Variants in PREPL observed in about 807,000 individuals in gnomAD.
The protein encoded by PREPL is prolyl endopeptidase like.
Under a neutral mutation model 70.6 loss-of-function variants are expected in PREPL, and 77 were observed. That is an observed-to-expected ratio of 1.09 (90% CI 0.91 to 1.32). The LOEUF (loss-of-function observed/expected upper bound fraction) is 1.32. Ranked by LOEUF, PREPL falls within the 40% of genes most tolerant of loss-of-function variation. The probability of loss-of-function intolerance (pLI) is 0.00; values close to 1 mark genes in which losing one functional copy is unlikely to be tolerated. For synonymous variants in PREPL, 315 were observed against 264.8 expected (o/e 1.19, Z -1.84); for missense variants, 1,002 against 778.2 (o/e 1.29, Z -3.42).
At chr2:44,321,638 G>GT in intron 13 of PREPL, 189 bp downstream of exon 13, 1 of 1,496,524 alleles carries the variant, frequency 6.7e-7, no homozygotes, top group Admixed American at 2.4e-5. Flanking sequence ...CAGAGCTCAC[G>GT]TATCAAGTAC....
chr2:44,327,945 T>A (rs1006514064), intron 9 of PREPL, among the ~76,000 whole-genome samples: 1 of 150,558 alleles, frequency 6.6e-6, no homozygotes, highest in Non-Finnish European at 1.5e-5. Flanking sequence ...AGCTCAGGAG[T>A]TCGAGACCAG....
intron 1 of PREPL, among the ~76,000 whole-genome samples, chr2:44,352,895 T>C (rs1343611352): frequency 6.6e-6 from 1 of 151,978 alleles, no homozygotes; most frequent in Admixed American, 6.5e-5. Context: ...TAAAAGAAGG[T>C]CAAAAGACAA....
At chr2:44,342,687 A>C (rs1675360774) in intron 4 of PREPL, 135 bp from the exon 5 acceptor site, 1 of 707,426 alleles carries the variant, frequency 1.4e-6, no homozygotes, top group Admixed American at 2.9e-5. Flanking sequence ...TAAATATTTG[A>C]CTGTATCTAA....
chr2:44,338,868 A>G (rs964754160), intron 6 of PREPL, among the ~76,000 whole-genome samples: 27 of 152,340 alleles, frequency 1.8e-4, no homozygotes, highest in African/African-American at 6.5e-4. Context: ...CAAATTGCCA[A>G]CTCATAAAAT....
Position 44,321,060 on chromosome 2 carries a change from TGGAA to T in PREPL, c.*292_*295del. 2.4e-6 allele frequency: 1 copy of T among 415,044 alleles called. No individual in the cohort carries two copies. Among genetic ancestry groups the T allele is most frequent in the Middle Eastern group, 6.8e-4 (1 of 1,472 alleles). The allele number at this position is 415,044 out of a possible 1,614,324, so 25.7% of individuals were successfully genotyped here. ...TTGTAAACTGCTCAACTGTTCTGACTGGAAGGGAGGCCTGGAGCTCTGCTATCAC... is the reference window on the plus strand; with the variant it reads ...TTGTAAACTGCTCAACTGTTCTGACTGGGAGGCCTGGAGCTCTGCTATCAC... On this transcript the variant is annotated 3_prime_UTR_variant, in exon 14 of 14. Coordinates refer to ENST00000409411, the MANE Select transcript of PREPL (RefSeq NM_001171613.2).
rs894017075 is a variant in PREPL at position 44,361,449 on chromosome 2, C to T, written c.-118G>A. The T allele has an allele frequency of 1.3e-5, 2 of 152,716 alleles. No homozygotes were observed. Among genetic ancestry groups the T allele is most frequent in the African/African-American group, 2.4e-5 (1 of 41,462 alleles). 9.5% of individuals were successfully genotyped at this position (152,716 alleles called of 1,614,324 possible). A position where few individuals can be genotyped will look rare whatever the true frequency, so the allele number is the denominator to read the frequency against. The stretch of plus-strand genomic sequence containing the variant: ...GGCAGGCCGGAGAACCTGAAGCTCT[C>T]AGAGGGGAGCAGGTGTCACCGCAGG... On this transcript the variant is annotated 5_prime_UTR_variant, in exon 1 of 14. Transcript: ENST00000409411.
Position 44,341,414 on chromosome 2 carries a change from G to A in PREPL, c.485+1003C>T, listed in dbSNP as rs903791755. On this transcript the variant is annotated intron_variant, in intron 5 of 13. Coordinates refer to ENST00000409411, the MANE Select transcript of PREPL (RefSeq NM_001171613.2). ...TATTTTTACTGTTATTGCTTTATAT[G>A]CTTTAATATATAATTGTAGGGCAAG... Among the ~76,000 whole-genome samples, 14 of 152,002 alleles carry A rather than the reference G, an allele frequency of 9.2e-5. No individual in the cohort carries two copies. In the East Asian group the frequency reaches 2.7e-3, roughly 29 times the overall value.
At chr2:44,322,089 C>T (rs376086254) in intron 12 of PREPL, among the ~76,000 whole-genome samples, 189 bp from the exon 13 acceptor site, 9 of 152,120 alleles carry the variant, frequency 5.9e-5, no homozygotes, top group Admixed American at 2.0e-4. Context: ...TCTGACACAG[C>T]GAAAGCAGGA....
chr2:44,353,634 A>C lies in PREPL; in HGVS notation c.-48-7244T>G, dbSNP rs374470507. ...ATAAAACTTATTACAAAGCTATAGT[A>C]ATTAAATGTGTAGTACTGGCATAAC... On this transcript the variant is annotated intron_variant, in intron 1 of 13. Transcript: ENST00000409411. Among the ~76,000 whole-genome samples the C allele has an allele frequency of 3.5e-4, 53 of 152,284 alleles. No homozygotes were observed. The East Asian group carries it at 4.1e-3, about 12-fold the overall frequency.
Position 44,350,665 on chromosome 2 carries a change from T to C in PREPL, c.-48-4275A>G, listed in dbSNP as rs115136668. On this transcript the variant is annotated intron_variant, in intron 1 of 13. Coordinates refer to ENST00000409411, the MANE Select transcript of PREPL (RefSeq NM_001171613.2). The stretch of plus-strand genomic sequence containing the variant: ...AAATGAAGGAAACTTGTTCCTTTCA[T>C]CTTCTGCCTCCAATTCTTCTCCTTA... Among the ~76,000 whole-genome samples the C allele has an allele frequency of 8.1e-3, 1,227 of 152,288 alleles. 15 individuals are homozygous for C. Among genetic ancestry groups the C allele is most frequent in the African/African-American group, 0.028 (1,167 of 41,548 alleles).
chr2:44,321,676 A>G (rs753367234), intron 13 of PREPL, 151 bp downstream of exon 13: 1 of 1,546,564 alleles, frequency 6.5e-7, no homozygotes, highest in Non-Finnish European at 8.7e-7. Flanking sequence ...CTTGATTGAC[A>G]CAGTGTCCCT....
chr2:44,345,571 C>G (rs1396022395), intron 2 of PREPL, among the ~76,000 whole-genome samples: 1 of 152,108 alleles, frequency 6.6e-6, no homozygotes, highest in Admixed American at 6.6e-5. Flanking sequence ...TGGTCTTGAA[C>G]TCTTGACCTC....
At chr2:44,328,806 G>A in intron 9 of PREPL, 131 bp downstream of exon 9, 1 of 941,796 alleles carries the variant, frequency 1.1e-6, no homozygotes, top group South Asian at 2.0e-5. Flanking sequence ...CACCAGTGCT[G>A]GTTTAGGAAT....
chr2:44,334,202 T>C (rs568550764), intron 7 of PREPL, among the ~76,000 whole-genome samples: 4 of 152,284 alleles, frequency 2.6e-5, no homozygotes, highest in African/African-American at 9.6e-5. Flanking sequence ...TCTGTGTATA[T>C]TAATGGACAG....
intron 5 of PREPL, among the ~76,000 whole-genome samples, chr2:44,341,121 C>T (rs1310076533): frequency 1.3e-5 from 2 of 151,956 alleles, no homozygotes; most frequent in African/African-American, 4.8e-5. Context: ...AAAAATATTC[C>T]AACCAAGCTG....
chr2:44,323,035 CT>C (rs1358708968), intron 11 of PREPL, among the ~76,000 whole-genome samples, 181 bp from the exon 12 acceptor site: 1 of 152,090 alleles, frequency 6.6e-6, no homozygotes, highest in Non-Finnish European at 1.5e-5. Context: ...CTGGAATAGC[CT>C]TTTCTTGACT....
intron 10 of PREPL, 144 bp downstream of exon 10, chr2:44,326,568 T>G: frequency 1.3e-6 from 1 of 761,646 alleles, no homozygotes; most frequent in Non-Finnish European, 2.2e-6. Context: ...GAGCTCCTGG[T>G]AAGCAATCTG....
At chr2:44,353,987 C>A (rs111326565) in intron 1 of PREPL, among the ~76,000 whole-genome samples, 3,196 of 152,066 alleles carry the variant, frequency 0.021, 128 homozygotes, top group African/African-American at 0.074. Context: ...AAAGTGAGAC[C>A]CTGTCTCCAC....
At chr2:44,321,793 G>T (rs1432087506) in intron 13 of PREPL, 34 bp downstream of exon 13, 9 of 1,613,642 alleles carry the variant, frequency 5.6e-6, no homozygotes, top group East Asian at 2.2e-5. Flanking sequence ...TCTAGTTCGG[G>T]AATCTGTCCA....
Sources: allele counts gnomAD v4.1 joint callset (sites outside exome capture counted in the v4.1 genomes callset), GRCh38; gene constraint gnomAD v4.1.1; transcripts MANE v1.5; gene names NCBI Gene and HGNC (gene_info 2026-07-23, HGNC 2026-07-21).